Variants in ASAP2 observed in about 807,000 individuals in gnomAD.
ASAP2 encodes arf-GAP with SH3 domain, ANK repeat and PH domain-containing protein 2.
A neutral mutation model predicts 131.4 loss-of-function variants in ASAP2; 45 were observed. The ratio of observed to expected loss-of-function variants is 0.34; its 90% confidence interval spans 0.27 to 0.44. ASAP2 has a LOEUF of 0.44. Among genes scored for constraint, ASAP2 ranks in the 20% least tolerant of loss-of-function variants. ASAP2 has a pLI of 1.00. For synonymous variants in ASAP2, 510 were observed against 503.0 expected, an observed-to-expected ratio of 1.01 and a Z score of -0.19; for missense variants, 1,011 against 1,297.0, an observed-to-expected ratio of 0.78 and a Z score of 3.39.
At chr2:9,336,327 A>G (rs1445324780) in intron 9 of ASAP2, among the ~76,000 whole-genome samples, 2 of 150,654 alleles carry the variant, frequency 1.3e-5, no homozygotes, top group African/African-American at 4.9e-5. Flanking sequence ...GCTGAATTCT[A>G]CACATCTCTC....
chr2:9,381,885 GA>G (rs1240068112), intron 20 of ASAP2, among the ~76,000 whole-genome samples: 5 of 149,068 alleles, frequency 3.4e-5, no homozygotes, highest in Non-Finnish European at 7.4e-5. Flanking sequence ...GCCTGGGGGA[GA>G]AAAAAAAGAA....
At chr2:9,344,389 T>G in intron 9 of ASAP2, 143 bp from the exon 10 acceptor site, 3 of 635,646 alleles carry the variant, frequency 4.7e-6, no homozygotes. Context: ...GTCCCTTTTT[T>G]GCTGTGTTGA....
At position 9,276,302 on chromosome 2, in the gene ASAP2, C is replaced by T. The variant is rs563793380; in HGVS notation, c.127-3015C>T. Among the ~76,000 whole-genome samples the T allele has an allele frequency of 6.4e-4, 98 of 152,232 alleles. 2 individuals are homozygous for T. Among genetic ancestry groups the T allele is most frequent in the South Asian group, 4.2e-3 (20 of 4,818 alleles). On this transcript the variant is annotated intron_variant, in intron 1 of 27. Transcript: ENST00000281419. ...CCTTCTCAGGAGAGAGGAGTGTGTG[C>T]ACGGGCTGGGAAGACAGCAGGGGGA...
intron 12 of ASAP2, among the ~76,000 whole-genome samples, chr2:9,355,254 G>A (rs1164408165): frequency 6.6e-6 from 1 of 152,130 alleles, no homozygotes; most frequent in African/African-American, 2.4e-5. Flanking sequence ...ATTTAGTTGT[G>A]ATTTTATCCT....
chr2:9,336,769 G>A (rs1671231447), intron 9 of ASAP2, among the ~76,000 whole-genome samples: 2 of 152,220 alleles, frequency 1.3e-5, no homozygotes, highest in Admixed American at 6.5e-5. Flanking sequence ...GAAAATAGTG[G>A]GCTAGCGGTA....
At chr2:9,350,522 C>T in intron 11 of ASAP2, 1 of 310,908 alleles carries the variant, frequency 3.2e-6, no homozygotes, top group Non-Finnish European at 5.9e-6. Flanking sequence ...TGAAGGCACC[C>T]ACTGCCAGCA....
At chr2:9,242,563 G>T (rs563155722) in intron 1 of ASAP2, among the ~76,000 whole-genome samples, 9 of 152,198 alleles carry the variant, frequency 5.9e-5, no homozygotes, top group Non-Finnish European at 1.2e-4. Context: ...TGGGCGGTGT[G>T]TGGGCTCTGT....
chr2:9,316,193 G>A (rs139383113), intron 3 of ASAP2, among the ~76,000 whole-genome samples: 5 of 151,926 alleles, frequency 3.3e-5, no homozygotes, highest in East Asian at 1.9e-4. Flanking sequence ...ATGTTGGCCC[G>A]TGCCTATAGT....
At chr2:9,363,812 G>A (rs991744186) in intron 15 of ASAP2, among the ~76,000 whole-genome samples, 7 of 152,128 alleles carry the variant, frequency 4.6e-5, no homozygotes, top group Admixed American at 3.9e-4. Context: ...GGGCTTAAGT[G>A]GTCTTCCAGC....
At chr2:9,367,230 A>G (rs1032736375) in intron 15 of ASAP2, among the ~76,000 whole-genome samples, 50 of 151,122 alleles carry the variant, frequency 3.3e-4, no homozygotes, top group African/African-American at 1.2e-3. Flanking sequence ...ATGGGGTTTC[A>G]CCTTGTTGCC....
chr2:9,294,286 A>G (rs989059968), intron 2 of ASAP2, among the ~76,000 whole-genome samples: 1 of 152,148 alleles, frequency 6.6e-6, no homozygotes, highest in Non-Finnish European at 1.5e-5. Flanking sequence ...GGTGTGAGCC[A>G]CCGTGTCCGG....
intron 16 of ASAP2, among the ~76,000 whole-genome samples, chr2:9,371,610 A>G (rs1435738837): frequency 6.6e-6 from 1 of 152,180 alleles, no homozygotes; most frequent in African/African-American, 2.4e-5. Flanking sequence ...GTGAATCCCA[A>G]GACGGATCTT....
At chr2:9,368,569 G>T in intron 16 of ASAP2, 50 bp downstream of exon 16, 1 of 1,544,610 alleles carries the variant, frequency 6.5e-7, no homozygotes, top group African/African-American at 1.4e-5. Flanking sequence ...GTTTGCCTTT[G>T]CCCGAGCCCC....
chr2:9,254,226 A>AAAAAAAAT (rs1664938613), intron 1 of ASAP2, among the ~76,000 whole-genome samples: 1 of 72,374 alleles, frequency 1.4e-5, no homozygotes, highest in Non-Finnish European at 2.7e-5. Context: ...AAAAAAAAAA[A>AAAAAAAAT]AAAAAAAAAA....
At chr2:9,364,256 C>G (rs1289451980) in intron 15 of ASAP2, among the ~76,000 whole-genome samples, 1 of 152,112 alleles carries the variant, frequency 6.6e-6, no homozygotes, top group Non-Finnish European at 1.5e-5. Flanking sequence ...ACCTATAGCT[C>G]CAGCACTTTG....
At chr2:9,322,126 T>G (rs1670185887) in intron 5 of ASAP2, among the ~76,000 whole-genome samples, 1 of 152,192 alleles carries the variant, frequency 6.6e-6, no homozygotes, top group South Asian at 2.1e-4. Context: ...TCCGGATGCA[T>G]AGACTCATTA....
At chr2:9,326,305 T>A (rs549712246) in intron 6 of ASAP2, among the ~76,000 whole-genome samples, 1 of 152,362 alleles carries the variant, frequency 6.6e-6, no homozygotes, top group South Asian at 2.1e-4. Context: ...CTTTAAGTGC[T>A]TGCTGTTGTT....
chr2:9,342,089 C>T lies in ASAP2; in HGVS notation c.850-2443C>T, dbSNP rs11695501. Among the ~76,000 whole-genome samples, 1,024 of 152,252 alleles carry T rather than the reference C, an allele frequency of 6.7e-3. 14 individuals are homozygous for T. Among genetic ancestry groups the T allele is most frequent in the African/African-American group, 0.023 (973 of 41,516 alleles). On this transcript the variant is annotated intron_variant, in intron 9 of 27. Coordinates refer to ENST00000281419, the MANE Select transcript of ASAP2 (RefSeq NM_003887.3). ...TTATTGTGAAGATAACAGTACTCCCCTAATTGATCTACACATTCAGTGCAG... is the reference window on the plus strand; with the variant it reads ...TTATTGTGAAGATAACAGTACTCCCTTAATTGATCTACACATTCAGTGCAG...
At chr2:9,340,524 C>CT (rs1558346375) in intron 9 of ASAP2, among the ~76,000 whole-genome samples, 2 of 152,326 alleles carry the variant, frequency 1.3e-5, no homozygotes, top group East Asian at 3.9e-4. Context: ...TGGCTCAGTG[C>CT]TTGGCTCAGC....
Sources: gnomAD v4.1 joint callset for allele counts (sites outside exome capture counted in the v4.1 genomes callset) on GRCh38, gnomAD v4.1.1 for gene constraint, MANE v1.5 for transcripts, NCBI Gene and HGNC (gene_info 2026-07-23, HGNC 2026-07-21) for gene names.